The following ITGAV variants were observed in gnomAD, a reference collection of about 807,000 sequenced individuals.
ITGAV encodes integrin subunit alpha V.
In ITGAV, 76 loss-of-function variants were observed where a neutral mutation model predicts 143.8. The ratio of observed to expected loss-of-function variants is 0.53; its 90% CI spans 0.44 to 0.64. The LOEUF is 0.64. ITGAV is among the 30% of genes least tolerant of loss of function. The pLI is 0.00. For missense variants in ITGAV, 1,193 were observed against 1,274.7 expected, an observed-to-expected ratio of 0.94 and a Z score of 0.98; for synonymous variants, 453 against 446.7, an observed-to-expected ratio of 1.01 and a Z score of -0.18.
At chr2:186,590,675 G>A in intron 1 of ITGAV, 152 bp downstream of exon 1, 1 of 670,446 alleles carries the variant, frequency 1.5e-6, no homozygotes, top group Non-Finnish European at 2.4e-6. Flanking sequence ...CCTGGGTGGA[G>A]GAAATATTTG....
At chr2:186,624,844 T>A (rs1380755041) in intron 3 of ITGAV, among the ~76,000 whole-genome samples, 5 of 152,158 alleles carry the variant, frequency 3.3e-5, no homozygotes, top group African/African-American at 4.8e-5. Context: ...GTATATTCCA[T>A]ATGCATGAGT....
intron 10 of ITGAV, among the ~76,000 whole-genome samples, chr2:186,640,224 A>G (rs889929433): frequency 1.3e-5 from 2 of 152,072 alleles, no homozygotes; most frequent in Non-Finnish European, 2.9e-5. Flanking sequence ...TGCTCATCCT[A>G]TGCAAGCCTG....
Position 186,646,714 on chromosome 2 carries a change from T to C in ITGAV, c.1188T>C (p.Gly396=), listed in dbSNP as rs763693638. 17 of 1,601,520 alleles carry C rather than the reference T, an allele frequency of 1.1e-5. No homozygotes were observed. Among genetic ancestry groups the C allele is most frequent in the Non-Finnish European group, 1.5e-5 (17 of 1,171,646 alleles). ...TTGCAATTGCTGCTCCATATGGGGG[T>C]GAAGATAAAAAAGGAATTGTTTATA... ...NDIAIAAPYG[G]EDKKGIVYIF... is the part of the protein sequence containing the mutation. Residue 396 remains glycine, a synonymous_variant, in exon 13 of 30, where the codon GGT becomes GGC. Coordinates refer to ENST00000261023, the MANE Select transcript of ITGAV (RefSeq NM_002210.5).
chr2:186,677,031 A>G, intron 29 of ITGAV, 96 bp downstream of exon 29: 1 of 1,358,770 alleles, frequency 7.4e-7, no homozygotes, highest in Non-Finnish European at 1.0e-6. Flanking sequence ...GAAGGAAGAA[A>G]GGGACTGTAA....
intron 2 of ITGAV, among the ~76,000 whole-genome samples, chr2:186,604,852 C>G (rs768448167): frequency 1.3e-5 from 2 of 152,132 alleles, no homozygotes; most frequent in Non-Finnish European, 2.9e-5. Context: ...GCACTCCATC[C>G]TTTCAGTGTT....
intron 2 of ITGAV, among the ~76,000 whole-genome samples, chr2:186,616,630 G>A (rs569736741): frequency 6.6e-6 from 1 of 152,124 alleles, no homozygotes; most frequent in South Asian, 2.1e-4. Flanking sequence ...CATGATAACA[G>A]TAGTTGTCTG....
At chr2:186,650,850 C>G (rs1688406051) in intron 14 of ITGAV, among the ~76,000 whole-genome samples, 1 of 152,082 alleles carries the variant, frequency 6.6e-6, no homozygotes, top group South Asian at 2.1e-4. Flanking sequence ...ATGCCCGCCC[C>G]TTCTTTGTCT....
At chr2:186,648,894 AAAT>A (rs769645047) in intron 13 of ITGAV, among the ~76,000 whole-genome samples, 87 of 149,998 alleles carry the variant, frequency 5.8e-4, no homozygotes, top group Middle Eastern at 3.6e-3. Flanking sequence ...TTATTAGTAA[AAAT>A]AATCATTTTC....
At position 186,677,634 on chromosome 2, in the gene ITGAV, CTTTA is replaced by C. The variant is rs1169275939; in HGVS notation, c.*346_*349del. The stretch of plus-strand genomic sequence containing the variant: ...ACTGTTTCTGATTTAATGTACGGAA[CTTTA>C]TTTGTTGTTGTTGTTGTTGTTGTTG... On this transcript the variant is annotated 3_prime_UTR_variant, in exon 30 of 30. Transcript: ENST00000261023. 1.1e-5 allele frequency: 2 copies of C among 190,416 alleles called. No individual in the cohort carries two copies. Among genetic ancestry groups the C allele is most frequent in the Non-Finnish European group, 2.2e-5 (2 of 92,040 alleles). The allele number at this position is 190,416 out of a possible 1,614,324, so 11.8% of individuals were successfully genotyped here.
chr2:186,660,673 G>A (rs1030487122), intron 18 of ITGAV: 1 of 152,070 alleles, frequency 6.6e-6, no homozygotes, highest in Non-Finnish European at 1.5e-5. Flanking sequence ...AGGTAGAAAA[G>A]GTATAGGTGA....
intron 2 of ITGAV, among the ~76,000 whole-genome samples, chr2:186,604,894 G>C (rs1404759351): frequency 6.6e-6 from 1 of 152,264 alleles, no homozygotes; most frequent in South Asian, 2.1e-4. Context: ...GTTTGACATT[G>C]AATCTGTCAG....
In ITGAV at chr2:186,666,538, A is replaced by G. The variant is rs111447374; in HGVS notation, c.2167-166A>G. ...CTTATGGATTGGTCCAGGTATATTAAGTAAAATAGGTTTGATAGAAAATAA... is the reference window on the plus strand; with the variant it reads ...CTTATGGATTGGTCCAGGTATATTAGGTAAAATAGGTTTGATAGAAAATAA... On this transcript the variant is annotated intron_variant, in intron 21 of 29. Coordinates refer to ENST00000261023, the MANE Select transcript of ITGAV (RefSeq NM_002210.5). 1.1e-4 allele frequency among the ~76,000 whole-genome samples: 16 copies of G among 152,364 alleles called. 1 individual carries two copies. Among genetic ancestry groups the G allele is most frequent in the African/African-American group, 3.8e-4 (16 of 41,594 alleles).
chr2:186,679,986 A>G lies in ITGAV; in HGVS notation c.*2694A>G, dbSNP rs902737199. 7.2e-5 allele frequency: 11 copies of G among 152,108 alleles called. No homozygotes were observed. The highest frequency in any genetic ancestry group is 2.2e-4 in the African/African-American group (9 of 41,452). 9.4% of individuals were successfully genotyped at this position (152,108 alleles called of 1,614,324 possible). ...TTAAGAGGGCTGTGAAAGATTTTTGATAGTGAATCATGACCCTAAGGGAGA... is the reference window on the plus strand; with the variant it reads ...TTAAGAGGGCTGTGAAAGATTTTTGGTAGTGAATCATGACCCTAAGGGAGA... On this transcript the variant is annotated 3_prime_UTR_variant, in exon 30 of 30. Coordinates refer to ENST00000261023, the MANE Select transcript of ITGAV (RefSeq NM_002210.5).
At chr2:186,647,317 C>T (rs2105720102) in intron 13 of ITGAV, among the ~76,000 whole-genome samples, 1 of 151,314 alleles carries the variant, frequency 6.6e-6, no homozygotes, top group Middle Eastern at 3.4e-3. Context: ...CTCATTGCAG[C>T]CTCCACCTCC....
intron 26 of ITGAV, among the ~76,000 whole-genome samples, chr2:186,673,750 C>A (rs1366312655): frequency 6.6e-6 from 1 of 151,914 alleles, no homozygotes; most frequent in Non-Finnish European, 1.5e-5. Flanking sequence ...TCATTGCAAC[C>A]TCCACCTCCC....
In ITGAV at chr2:186,649,829, T is replaced by C; in HGVS notation, c.1352-11T>C. ...TATCATTATTAACATGTTTTTCCAC[T>C]CTTTCTTAAGACTTAATTGTAGGAG... On this transcript the variant is annotated splice_polypyrimidine_tract_variant and intron_variant, in intron 13 of 29. Transcript: ENST00000261023. 1.3e-6 allele frequency: 2 copies of C among 1,568,994 alleles called. No individual in the cohort carries two copies. The highest frequency in any genetic ancestry group is 2.3e-5 in the South Asian group (2 of 85,946).
intron 2 of ITGAV, among the ~76,000 whole-genome samples, chr2:186,616,422 G>A (rs547469521): frequency 6.6e-6 from 1 of 151,446 alleles, no homozygotes; most frequent in East Asian, 1.9e-4. Context: ...GGGACTACAG[G>A]CGCCCGCCAG....
At position 186,649,778 on chromosome 2, in the gene ITGAV, A is replaced by G. The variant is rs565318646; in HGVS notation, c.1352-62A>G. On this transcript the variant is annotated intron_variant, in intron 13 of 29. Transcript: ENST00000261023. ...TTTATATTCATTGAAAATTTTATAG[A>G]ATGGTATATACATTTTAAAAACCAT... The G allele has an allele frequency of 8.6e-5, 93 of 1,085,870 alleles. 2 individuals carry two copies. The African/African-American group carries it at 1.1e-3, about 13-fold the overall frequency. The allele number at this position is 1,085,870 out of a possible 1,614,324, so 67.3% of individuals were successfully genotyped here.
At chr2:186,646,655 CT>C in intron 12 of ITGAV, 30 bp from the exon 13 acceptor site, 1 of 1,515,376 alleles carries the variant, frequency 6.6e-7, no homozygotes, top group Non-Finnish European at 9.0e-7. Context: ...TTCTGTCATT[CT>C]CCTTCCCCCT....
Sources: gnomAD v4.1 joint callset for allele counts (sites outside exome capture counted in the v4.1 genomes callset) on GRCh38, gnomAD v4.1.1 for gene constraint, MANE v1.5 for transcripts, NCBI Gene and HGNC (gene_info 2026-07-23, HGNC 2026-07-21) for gene names.